Variants in PDE7A observed in about 807,000 individuals in gnomAD.
PDE7A encodes high affinity 3',5'-cyclic-AMP phosphodiesterase 7A.
In PDE7A, 39 loss-of-function variants were observed where a neutral mutation model predicts 64.3. The observed-to-expected ratio is 0.61, with a 90% CI of 0.47 to 0.79. The LOEUF (loss-of-function observed/expected upper bound fraction) is 0.79, where lower values mean the gene tolerates loss of function less well. Among genes scored for constraint, PDE7A ranks in the 30% least tolerant of loss-of-function variants. PDE7A has a pLI of 0.00. For missense variants in PDE7A, 470 were observed against 582.8 expected (o/e 0.81, Z 1.99); for synonymous variants, 203 against 206.8 (o/e 0.98, Z 0.16).
chr8:65,820,049 T>C (rs1037177149), intron 1 of PDE7A, among the ~76,000 whole-genome samples: 4 of 152,288 alleles, frequency 2.6e-5, no homozygotes, highest in African/African-American at 9.6e-5. Flanking sequence ...GACAGCAAAA[T>C]AAAATGTTAT....
intron 1 of PDE7A, among the ~76,000 whole-genome samples, chr8:65,830,592 C>T (rs952184446): frequency 2.6e-5 from 4 of 152,118 alleles, no homozygotes; most frequent in East Asian, 1.9e-4. Context: ...CCACTGAAAA[C>T]GCATTTCTGA....
chr8:65,804,725 G>A (rs1585931467), intron 1 of PDE7A, among the ~76,000 whole-genome samples: 2 of 151,936 alleles, frequency 1.3e-5, no homozygotes, highest in East Asian at 1.9e-4. Flanking sequence ...TTTTAGTAGA[G>A]ACAGGGTTTC....
chr8:65,813,202 T>C (rs1810298094), intron 1 of PDE7A, among the ~76,000 whole-genome samples: 1 of 152,196 alleles, frequency 6.6e-6, no homozygotes, highest in Non-Finnish European at 1.5e-5. Flanking sequence ...TAAATGCACA[T>C]AGCTTCTGAC....
chr8:65,756,964 G>A (rs1326818998), intron 3 of PDE7A, among the ~76,000 whole-genome samples: 1 of 152,148 alleles, frequency 6.6e-6, no homozygotes, highest in Non-Finnish European at 1.5e-5. Context: ...GATGTATAGG[G>A]CAAGGTATGG....
chr8:65,830,709 C>A (rs978376764), intron 1 of PDE7A, among the ~76,000 whole-genome samples: 1 of 152,068 alleles, frequency 6.6e-6, no homozygotes, highest in East Asian at 1.9e-4. Context: ...AAATCTGACA[C>A]AGAGCATTAT....
chr8:65,814,510 C>CAA (rs140450405), intron 1 of PDE7A, among the ~76,000 whole-genome samples: 118 of 71,018 alleles, frequency 1.7e-3, no homozygotes, highest in Admixed American at 3.1e-3. Context: ...GACTCCGTCT[C>CAA]AAAAAAAAAA....
intron 1 of PDE7A, chr8:65,838,852 C>G (rs768918866): frequency 1.7e-4 from 26 of 152,334 alleles, no homozygotes; most frequent in African/African-American, 3.4e-4. Context: ...TACTTGAAAA[C>G]AAGTTGTGTC....
rs748290456 is a variant in PDE7A at position 65,747,810 on chromosome 8, TA to T, written c.284-8del. The T allele has an allele frequency of 6.3e-7, 1 of 1,590,394 alleles. No homozygotes were observed. The highest frequency in any genetic ancestry group is 8.6e-7 in the Non-Finnish European group (1 of 1,164,344). On this transcript the variant is annotated splice_polypyrimidine_tract_variant and splice_region_variant and intron_variant, in intron 3 of 12. Coordinates refer to ENST00000401827, the MANE Select transcript of PDE7A (RefSeq NM_001242318.3). The stretch of plus-strand genomic sequence containing the variant: ...ACTTCAATTTCAGATTGAGCTGAAA[TA>T]AAAAGAATAAAAGGTAAGTATAGCA...
chr8:65,795,812 C>T (rs1013825949), intron 1 of PDE7A, among the ~76,000 whole-genome samples: 5 of 151,676 alleles, frequency 3.3e-5, no homozygotes, highest in African/African-American at 1.2e-4. Flanking sequence ...AAAAAGTCAC[C>T]TCAAAACTGG....
intron 9 of PDE7A, 101 bp downstream of exon 9, chr8:65,726,774 G>T: frequency 1.6e-6 from 1 of 627,854 alleles, no homozygotes; most frequent in East Asian, 2.7e-5. Context: ...TGAAAACTGT[G>T]GAACACCTGA....
At chr8:65,793,524 G>A (rs1809757390) in intron 1 of PDE7A, among the ~76,000 whole-genome samples, 1 of 147,792 alleles carries the variant, frequency 6.8e-6, no homozygotes, top group Non-Finnish European at 1.5e-5. Flanking sequence ...AATTCTAAAT[G>A]AGAGATAATA....
At chr8:65,774,397 G>A (rs911595068) in intron 3 of PDE7A, among the ~76,000 whole-genome samples, 16 of 152,046 alleles carry the variant, frequency 1.1e-4, no homozygotes, top group Admixed American at 2.0e-4. Context: ...AAAGAGCTTT[G>A]AAACTAATCA....
At chr8:65,773,198 C>T (rs1017225700) in intron 3 of PDE7A, among the ~76,000 whole-genome samples, 3 of 152,074 alleles carry the variant, frequency 2.0e-5, no homozygotes, top group Admixed American at 2.0e-4. Flanking sequence ...CACTAGATTA[C>T]AATTTCAAAA....
intron 7 of PDE7A, among the ~76,000 whole-genome samples, chr8:65,730,035 A>C (rs1351041864): frequency 6.6e-6 from 1 of 152,030 alleles, no homozygotes; most frequent in Non-Finnish European, 1.5e-5. Flanking sequence ...CCTGAGAGGA[A>C]CCAGGTGCAC....
At chr8:65,787,465 A>G (rs1169475670) in intron 1 of PDE7A, among the ~76,000 whole-genome samples, 1 of 152,212 alleles carries the variant, frequency 6.6e-6, no homozygotes, top group East Asian at 1.9e-4. Flanking sequence ...GAGCTTTTTC[A>G]GAGTAGTCAT....
intron 1 of PDE7A, among the ~76,000 whole-genome samples, chr8:65,793,695 A>G (rs1208765857): frequency 1.3e-5 from 2 of 152,206 alleles, no homozygotes; most frequent in Non-Finnish European, 2.9e-5. Flanking sequence ...GGGATACAAT[A>G]TAAGGAATAG....
At chr8:65,807,762 T>C (rs1810145032) in intron 1 of PDE7A, among the ~76,000 whole-genome samples, 1 of 152,216 alleles carries the variant, frequency 6.6e-6, no homozygotes, top group African/African-American at 2.4e-5. Context: ...GTTAAATGCT[T>C]TTCCTGCATC....
chr8:65,804,540 CTTTTTTTTTT>C (rs762379703), intron 1 of PDE7A, among the ~76,000 whole-genome samples: 1 of 113,046 alleles, frequency 8.8e-6, no homozygotes, highest in African/African-American at 3.1e-5. Flanking sequence ...CATTTTGTTG[CTTTTTTTTTT>C]TTTTTTTTTG....
intron 3 of PDE7A, among the ~76,000 whole-genome samples, chr8:65,776,223 C>T (rs1809255152): frequency 6.6e-6 from 1 of 152,122 alleles, no homozygotes; most frequent in Admixed American, 6.5e-5. Flanking sequence ...CATTATTTAT[C>T]TTCTACCTAC....
Sources: gnomAD v4.1 joint callset for allele counts (sites outside exome capture counted in the v4.1 genomes callset) on GRCh38, gnomAD v4.1.1 for gene constraint, MANE v1.5 for transcripts, NCBI Gene and HGNC (gene_info 2026-07-23, HGNC 2026-07-21) for gene names.